The following PIK3C2G variants were observed in gnomAD, a reference collection of about 807,000 sequenced individuals.
PIK3C2G encodes phosphatidylinositol-4-phosphate 3-kinase catalytic subunit type 2 gamma, also known as phosphatidylinositol 3-kinase C2 domain-containing subunit gamma.
Under a neutral mutation model 181.1 loss-of-function variants are expected in PIK3C2G, and 168 were observed. The ratio of observed to expected loss-of-function variants is 0.93; its 90% confidence interval spans 0.82 to 1.05. The LOEUF (loss-of-function observed/expected upper bound fraction) is 1.05. PIK3C2G is among the 50% of genes least tolerant of loss of function. The pLI, the probability that PIK3C2G is intolerant of heterozygous loss-of-function variation, is 0.00. For missense variants in PIK3C2G, 1,869 were observed against 1,732.8 expected (o/e 1.08, Z -1.40); for synonymous variants, 573 against 592.2 (o/e 0.97, Z 0.47).
the PIK3C2G span, among the ~76,000 whole-genome samples, chr12:18,655,754 A>G: frequency 1.0e-4 from 1 of 9,806 alleles, no homozygotes; most frequent in Admixed American, 1.5e-3. Flanking sequence ...TATCATGAAA[A>G]AAAAAAAAAA....
upstream of PIK3C2G, among the ~76,000 whole-genome samples, chr12:18,256,608 C>T (rs11043982): frequency 0.06 from 9,069 of 152,126 alleles, 404 homozygotes; most frequent in Non-Finnish European, 0.093. Context: ...AGCCCGAGTA[C>T]GTATTGTCAC....
the PIK3C2G span, among the ~76,000 whole-genome samples, chr12:18,708,825 C>T: frequency 6.6e-6 from 1 of 151,984 alleles, no homozygotes; most frequent in Non-Finnish European, 1.5e-5. Flanking sequence ...GGAGAAATGC[C>T]TATTCAGGTT....
chr12:18,466,143 A>G (rs929963038), intron 18 of PIK3C2G, among the ~76,000 whole-genome samples: 2 of 151,708 alleles, frequency 1.3e-5, no homozygotes, highest in Non-Finnish European at 3.0e-5. Flanking sequence ...TTAATTATGT[A>G]TTTTTATTAC....
At chr12:18,674,958 C>T in the PIK3C2G span, among the ~76,000 whole-genome samples, 6 of 152,190 alleles carry the variant, frequency 3.9e-5, no homozygotes, top group Admixed American at 2.0e-4. Context: ...GCTCCAGTCA[C>T]GTGAGTGAAG....
chr12:18,443,033 A>G (rs1391695868), intron 18 of PIK3C2G, among the ~76,000 whole-genome samples: 5 of 152,038 alleles, frequency 3.3e-5, no homozygotes, highest in Admixed American at 6.6e-5. Flanking sequence ...CACCATGCCC[A>G]GCTAATTTTT....
Position 18,282,478 on chromosome 12 carries a change from C to T in PIK3C2G, c.397C>T (p.His133Tyr). 1.2e-6 allele frequency: 2 copies of T among 1,613,068 alleles called. No individual in the cohort carries two copies. The highest frequency in any genetic ancestry group is 8.5e-7 in the Non-Finnish European group (1 of 1,179,312). The change falls in exon 2 of 33, where the codon CAT (histidine) becomes TAT (tyrosine). Residue 133 changes from histidine to tyrosine, a missense_variant. By Grantham distance (83) the His-to-Tyr change is moderately conservative. Coordinates refer to ENST00000538779, the MANE Select transcript of PIK3C2G (RefSeq NM_001288772.2). ...ECSWGSPIGK[H>Y]HGADDSRFSI... Reference sequence around the variant, plus strand: ...CTCCTGGGGAAGCCCCATAGGAAAACATCATGGTGCTGATGATTCCAGATT... The same window carrying T: ...CTCCTGGGGAAGCCCCATAGGAAAATATCATGGTGCTGATGATTCCAGATT...
At chr12:18,601,776 C>G (rs1209667634) in intron 30 of PIK3C2G, among the ~76,000 whole-genome samples, 1 of 151,944 alleles carries the variant, frequency 6.6e-6, no homozygotes, top group African/African-American at 2.4e-5. Flanking sequence ...AATAGCAAAG[C>G]AAAAAGAACA....
chr12:18,561,838 A>G (rs529392696), intron 26 of PIK3C2G, among the ~76,000 whole-genome samples: 1 of 152,140 alleles, frequency 6.6e-6, no homozygotes, highest in South Asian at 2.1e-4. Flanking sequence ...TATTTAATAT[A>G]AAATACGTGT....
intron 16 of PIK3C2G, among the ~76,000 whole-genome samples, chr12:18,414,312 C>T (rs1042316532): frequency 3.3e-5 from 5 of 151,834 alleles, no homozygotes; most frequent in East Asian, 3.9e-4. Flanking sequence ...ATAAAACTTT[C>T]GTATAGAAAA....
chr12:18,551,773 G>C (rs552753540), intron 26 of PIK3C2G, among the ~76,000 whole-genome samples: 5 of 152,200 alleles, frequency 3.3e-5, no homozygotes, highest in African/African-American at 1.2e-4. Flanking sequence ...GAAACCAATA[G>C]GGCTTGGCTA....
intron 16 of PIK3C2G, among the ~76,000 whole-genome samples, chr12:18,409,306 T>C (rs142953919): frequency 0.016 from 2,408 of 152,092 alleles, 47 homozygotes; most frequent in African/African-American, 0.05. Context: ...AACAGAAAAC[T>C]AAACCCCAAC....
At chr12:18,688,225 A>C in the PIK3C2G span, 1 of 1,602,654 alleles carries the variant, frequency 6.2e-7, no homozygotes, top group Non-Finnish European at 8.5e-7. Flanking sequence ...TGAGCTGCAC[A>C]AATATATATG....
intron 9 of PIK3C2G, among the ~76,000 whole-genome samples, 163 bp downstream of exon 9, chr12:18,338,711 A>G (rs1047916770): frequency 3.6e-4 from 45 of 126,572 alleles, no homozygotes; most frequent in Admixed American, 1.2e-3. Flanking sequence ...GTGTGTGTGC[A>G]TGCAGCCAAA....
rs564035708 is a variant in PIK3C2G at position 18,295,227 on chromosome 12, T to C, written c.1034+1212T>C. ...CTTTTCCCTTTTTATTTGAACTTAT[T>C]AACACACTCATTTACTAGTCTGCTA... On this transcript the variant is annotated intron_variant, in intron 5 of 32. Coordinates refer to ENST00000538779, the MANE Select transcript of PIK3C2G (RefSeq NM_001288772.2). Among the ~76,000 whole-genome samples the C allele has an allele frequency of 6.3e-4, 96 of 151,864 alleles. 2 individuals carry two copies. The South Asian group carries it at 0.019, about 30-fold the overall frequency.
At chr12:18,333,647 C>T (rs12316987) in intron 8 of PIK3C2G, among the ~76,000 whole-genome samples, 442 of 152,190 alleles carry the variant, frequency 2.9e-3, no homozygotes, top group African/African-American at 9.8e-3. Context: ...TTAAGCCAAG[C>T]TGCATTTCAA....
chr12:18,545,803 C>T (rs191529636), intron 25 of PIK3C2G, among the ~76,000 whole-genome samples: 1 of 152,004 alleles, frequency 6.6e-6, no homozygotes, highest in East Asian at 1.9e-4. Flanking sequence ...TATGTTTGCA[C>T]ATCATTTGAC....
At chr12:18,421,682 T>A (rs1342777305) in intron 17 of PIK3C2G, among the ~76,000 whole-genome samples, 2 of 151,990 alleles carry the variant, frequency 1.3e-5, no homozygotes, top group East Asian at 3.9e-4. Context: ...TTTTTGTTTT[T>A]TCCAGGATGA....
intron 32 of PIK3C2G, among the ~76,000 whole-genome samples, chr12:18,643,694 T>C (rs1005456515): frequency 6.6e-6 from 1 of 151,860 alleles, no homozygotes; most frequent in Non-Finnish European, 1.5e-5. Context: ...CCTCGATCAC[T>C]TGTGTGCAAC....
chr12:18,416,018 C>A (rs894792047), intron 16 of PIK3C2G, among the ~76,000 whole-genome samples: 1 of 152,084 alleles, frequency 6.6e-6, no homozygotes, highest in Non-Finnish European at 1.5e-5. Flanking sequence ...GAGGCCGAGG[C>A]GGGTGGATCA....
Sources: gnomAD v4.1 joint callset for allele counts (sites outside exome capture counted in the v4.1 genomes callset) on GRCh38, gnomAD v4.1.1 for gene constraint, MANE v1.5 for transcripts, NCBI Gene and HGNC (gene_info 2026-07-23, HGNC 2026-07-21) for gene names.